The following TAFA2 variants were observed in gnomAD, a reference collection of about 807,000 sequenced individuals.
The protein encoded by TAFA2 is TAFA chemokine like family member 2.
A neutral mutation model predicts 18.8 loss-of-function variants in TAFA2; 7 were observed. The ratio of observed to expected loss-of-function variants is 0.37; its 90% CI spans 0.21 to 0.70. The LOEUF is 0.70. Ranked by LOEUF, TAFA2 falls within the 30% of genes least tolerant of loss-of-function variation. The probability of loss-of-function intolerance (pLI) is 0.53; values close to 1 mark genes in which losing one functional copy is unlikely to be tolerated. For missense variants in TAFA2, 122 were observed against 158.1 expected (o/e 0.77, Z 1.23); for synonymous variants, 60 against 54.2 (o/e 1.11, Z -0.47).
chr12:62,212,801 G>T (rs1279620032), intron 1 of TAFA2, among the ~76,000 whole-genome samples: 1 of 152,134 alleles, frequency 6.6e-6, no homozygotes, highest in Non-Finnish European at 1.5e-5. Flanking sequence ...AATTATAACT[G>T]TACTGATACA....
rs543005462 is a variant in TAFA2 at position 61,942,011 on chromosome 12, A to C, written c.-1-74585T>G. ...CACCTCTGGGGGCAGGGCACAGACA[A>C]ACAAAAAGACAGCAGTAACCTCTGA... is the stretch of plus-strand genomic sequence containing the variant. On this transcript the variant is annotated intron_variant, in intron 1 of 4. Coordinates refer to ENST00000416284, the MANE Select transcript of TAFA2 (RefSeq NM_178539.5). Among the ~76,000 whole-genome samples, 264 of 151,944 alleles carry C rather than the reference A, an allele frequency of 1.7e-3. 1 individual carries two copies. Among genetic ancestry groups the C allele is most frequent in the Non-Finnish European group, 2.4e-3 (161 of 67,972 alleles).
intron 1 of TAFA2, among the ~76,000 whole-genome samples, chr12:61,994,794 T>C (rs78897838): frequency 0.024 from 3,718 of 152,254 alleles, 147 homozygotes; most frequent in African/African-American, 0.082. Context: ...GCCTGGAGAC[T>C]TTTTCTTAGC....
intron 1 of TAFA2, among the ~76,000 whole-genome samples, chr12:61,924,039 A>G (rs1376135866): frequency 1.3e-5 from 2 of 150,940 alleles, no homozygotes; most frequent in East Asian, 2.0e-4. Flanking sequence ...ATTAGAGAGA[A>G]AAAAAAAAGA....
intron 1 of TAFA2, among the ~76,000 whole-genome samples, chr12:62,048,296 G>C (rs1006013067): frequency 7.9e-5 from 12 of 152,208 alleles, no homozygotes; most frequent in Admixed American, 6.5e-5. Flanking sequence ...AGGAAGCAGG[G>C]AGGAGACGTA....
rs68158949 is a variant in TAFA2 at position 61,836,756 on chromosome 12, T to TATACAC, written c.106+30563_106+30564insGTGTAT. On this transcript the variant is annotated intron_variant, in intron 2 of 4. Transcript: ENST00000416284. ...TGATATATATATATATATATATATATACACACACACACACAAATACATATA... is the reference window on the plus strand; with the variant it reads ...TGATATATATATATATATATATATATATACACACACACACACACACAAATACATATA... Among the ~76,000 whole-genome samples the TATACAC allele has an allele frequency of 5.0e-5, 6 of 119,794 alleles. No individual in the cohort carries two copies. In the South Asian group the frequency reaches 1.6e-3, roughly 33 times the overall value. The allele number at this position is 119,794 out of a possible 152,430, so 78.6% of individuals were successfully genotyped here.
chr12:62,006,506 A>T (rs1880555556), intron 1 of TAFA2, among the ~76,000 whole-genome samples: 1 of 152,168 alleles, frequency 6.6e-6, no homozygotes, highest in Non-Finnish European at 1.5e-5. Context: ...TGGGAGATAA[A>T]ATAGATTTAC....
chr12:62,186,477 A>G (rs2062586626), intron 1 of TAFA2, among the ~76,000 whole-genome samples: 1 of 152,168 alleles, frequency 6.6e-6, no homozygotes, highest in African/African-American at 2.4e-5. Flanking sequence ...TCAGCCTATC[A>G]CCGTAATTGC....
intron 1 of TAFA2, among the ~76,000 whole-genome samples, chr12:62,073,504 T>C (rs1050794259): frequency 2.0e-5 from 3 of 150,560 alleles, no homozygotes; most frequent in African/African-American, 7.4e-5. Context: ...TTATCTTATC[T>C]ATATATTATA....
chr12:61,792,786 A>T (rs1219486256), intron 2 of TAFA2, among the ~76,000 whole-genome samples: 2 of 151,586 alleles, frequency 1.3e-5, no homozygotes, highest in Non-Finnish European at 3.0e-5. Context: ...GAGAAAAAAA[A>T]TAACTAGAAG....
intron 1 of TAFA2, among the ~76,000 whole-genome samples, chr12:62,020,059 T>C (rs951624822): frequency 3.3e-5 from 5 of 152,222 alleles, no homozygotes; most frequent in Admixed American, 6.5e-5. Flanking sequence ...CTCATCATTA[T>C]AGATTAAACT....
In TAFA2 at chr12:61,754,908, C is replaced by T. The variant is rs1449609124; in HGVS notation, c.223G>A (p.Ala75Thr). Reference protein sequence around the residue: ...VKCSCFPGQVAGTTRAAPSCV... With the variant: ...VKCSCFPGQVTGTTRAAPSCV... Reference sequence around the variant, plus strand: ...GATGGAGCAGCTCGCGTGGTGCCTGCCACCTGCCCAGGGAAGCAGGAGCAC... The same window carrying T: ...GATGGAGCAGCTCGCGTGGTGCCTGTCACCTGCCCAGGGAAGCAGGAGCAC... Residue 75 changes from alanine to threonine, a missense_variant, in exon 3 of 5, where the codon GCA (alanine) becomes ACA (threonine). Physicochemically the swap from Ala to Thr is moderately conservative, Grantham distance 58. Around this residue, in one of 2 missense-constraint regions of TAFA2, gnomAD observed 60 missense variants for 102.7 expected, o/e 0.58. Coordinates refer to ENST00000416284, the MANE Select transcript of TAFA2 (RefSeq NM_178539.5). 1 of 1,612,898 alleles carries T rather than the reference C, an allele frequency of 6.2e-7. No homozygotes were observed. Among genetic ancestry groups the T allele is most frequent in the Non-Finnish European group, 8.5e-7 (1 of 1,179,364 alleles).
At chr12:61,999,290 G>A (rs1880301829) in intron 1 of TAFA2, among the ~76,000 whole-genome samples, 1 of 152,114 alleles carries the variant, frequency 6.6e-6, no homozygotes, top group African/African-American at 2.4e-5. Context: ...ACAATTAGCT[G>A]ACTTTGTTAT....
At chr12:61,726,450 C>T (rs530143170) in intron 4 of TAFA2, among the ~76,000 whole-genome samples, 3 of 152,018 alleles carry the variant, frequency 2.0e-5, no homozygotes, top group Non-Finnish European at 4.4e-5. Flanking sequence ...GGGTTTTCAC[C>T]TCCTTGGTTA....
intron 1 of TAFA2, among the ~76,000 whole-genome samples, chr12:62,130,943 C>T (rs527238674): frequency 1.3e-5 from 2 of 152,010 alleles, no homozygotes; most frequent in South Asian, 2.1e-4. Flanking sequence ...AAACTGAAAA[C>T]TTGACAAGTG....
intron 1 of TAFA2, among the ~76,000 whole-genome samples, chr12:62,159,224 C>T (rs1334832847): frequency 1.3e-5 from 2 of 152,132 alleles, no homozygotes; most frequent in Non-Finnish European, 2.9e-5. Flanking sequence ...AGTCACTCGC[C>T]AAAAGGTGGG....
At chr12:62,026,033 T>C (rs1009688435) in intron 1 of TAFA2, among the ~76,000 whole-genome samples, 36 of 152,106 alleles carry the variant, frequency 2.4e-4, no homozygotes, top group African/African-American at 5.6e-4. Context: ...ACCCAATCAA[T>C]GAGGATCGTT....
intron 2 of TAFA2, among the ~76,000 whole-genome samples, chr12:61,760,075 CTTTT>C (rs35014156): frequency 7.3e-6 from 1 of 137,752 alleles, no homozygotes; most frequent in Non-Finnish European, 1.5e-5. Context: ...CTGCCCAGTG[CTTTT>C]TTTTTTTTTT....
intron 1 of TAFA2, among the ~76,000 whole-genome samples, chr12:61,908,487 T>C (rs1876460118): frequency 6.6e-6 from 1 of 152,170 alleles, no homozygotes; most frequent in Non-Finnish European, 1.5e-5. Context: ...GTAAGTCTAT[T>C]AATCTGCTTT....
At chr12:61,774,300 A>G (rs115882416) in intron 2 of TAFA2, among the ~76,000 whole-genome samples, 4,643 of 152,006 alleles carry the variant, frequency 0.031, 236 homozygotes, top group African/African-American at 0.11. Flanking sequence ...TAGATCTACC[A>G]TTTGATCTAG....
Sources: gnomAD v4.1 joint callset for allele counts (sites outside exome capture counted in the v4.1 genomes callset) on GRCh38, gnomAD v4.1.1 for gene constraint, gnomAD v4.1.1 regional missense constraint, MANE v1.5 for transcripts, NCBI Gene and HGNC (gene_info 2026-07-23, HGNC 2026-07-21) for gene names.